The following TLE4 variants were observed in gnomAD, a reference collection of about 807,000 sequenced individuals.
TLE4 encodes the protein TLE family member 4, transcriptional corepressor.
In TLE4, 8 loss-of-function variants were observed where a neutral mutation model predicts 92.8. The observed-to-expected ratio is 0.09, with a 90% CI of 0.05 to 0.16. TLE4 has a LOEUF of 0.16. Among genes scored for constraint, TLE4 ranks in the 10% least tolerant of loss-of-function variants. TLE4 has a pLI of 1.00. For missense variants in TLE4, 675 were observed against 997.6 expected (o/e 0.68, Z 4.36); for synonymous variants, 371 against 374.1 (o/e 0.99, Z 0.10).
chr9:79,611,949 A>T (rs2133052453), intron 4 of TLE4, among the ~76,000 whole-genome samples: 1 of 151,678 alleles, frequency 6.6e-6, no homozygotes, highest in Non-Finnish European at 1.5e-5. Context: ...AAAAAAAAAA[A>T]AAAAAAAAAA....
In TLE4 at chr9:79,649,694, T is replaced by C. The variant is rs138432815; in HGVS notation, c.391-2899T>C. 6.5e-4 allele frequency: 420 copies of C among 648,652 alleles called. No individual in the cohort carries two copies. The African/African-American group carries it at 7.7e-3, about 12-fold the overall frequency. The allele number at this position is 648,652 out of a possible 1,614,324, so 40.2% of individuals were successfully genotyped here. On this transcript the variant is annotated intron_variant, in intron 6 of 19. Coordinates refer to ENST00000376552, the MANE Select transcript of TLE4 (RefSeq NM_007005.6). The stretch of plus-strand genomic sequence containing the variant: ...AGCTCATTTTAGAACTGTTCTGAGA[T>C]AGAATAAAACCAAACAAGGACCTCA...
At chr9:79,573,951 C>A in intron 2 of TLE4, 165 bp downstream of exon 2, 2 of 422,476 alleles carry the variant, frequency 4.7e-6, no homozygotes, top group South Asian at 1.4e-4. Context: ...CTTCCTTAGG[C>A]AGGTGTAAAT....
chr9:79,671,178 G>T (rs1325813892), intron 8 of TLE4: 1 of 446,854 alleles, frequency 2.2e-6, no homozygotes, highest in Non-Finnish European at 4.6e-6. Flanking sequence ...TTCAACCTTG[G>T]CTGAGAATGT....
At chr9:79,694,721 C>G (rs1204703616) in intron 8 of TLE4, among the ~76,000 whole-genome samples, 4 of 151,784 alleles carry the variant, frequency 2.6e-5, no homozygotes, top group African/African-American at 9.7e-5. Flanking sequence ...TTATATCTGT[C>G]TGCCTTATAT....
chr9:79,661,287 T>C (rs1227332166), intron 8 of TLE4, among the ~76,000 whole-genome samples: 1 of 152,214 alleles, frequency 6.6e-6, no homozygotes, highest in African/African-American at 2.4e-5. Context: ...AAATCACTCA[T>C]GGGGTAGTTT....
intron 6 of TLE4, among the ~76,000 whole-genome samples, chr9:79,631,616 ATGTGTGTGTGTGTGTGTGTGTGTG>A (rs57129541): frequency 2.5e-5 from 3 of 118,158 alleles, no homozygotes; most frequent in Non-Finnish European, 3.5e-5. Context: ...TGAACCTTAA[ATGTGTGTGTGTGTGTGTGTGTGTG>A]TGTGTGTGTG....
intron 2 of TLE4, 137 bp downstream of exon 2, chr9:79,573,923 A>C (rs542502397): frequency 2.1e-6 from 1 of 482,012 alleles, no homozygotes; most frequent in Non-Finnish European, 3.4e-6. Context: ...GTGGGCAGAA[A>C]GGGCAAATCA....
chr9:79,684,864 C>T (rs545996469), intron 8 of TLE4, among the ~76,000 whole-genome samples: 1 of 152,304 alleles, frequency 6.6e-6, no homozygotes, highest in African/African-American at 2.4e-5. Context: ...TGACAGAGCC[C>T]TACCAAATGT....
chr9:79,624,788 C>G (rs1358054185), intron 5 of TLE4, among the ~76,000 whole-genome samples: 1 of 152,162 alleles, frequency 6.6e-6, no homozygotes, highest in Non-Finnish European at 1.5e-5. Flanking sequence ...TAGAATGGCA[C>G]TAAGTAGATG....
intron 6 of TLE4, chr9:79,649,735 A>AT: frequency 1.7e-6 from 2 of 1,176,238 alleles, no homozygotes; most frequent in Middle Eastern, 2.4e-4. Context: ...CCTTACTGTG[A>AT]ATGTCATGTA....
intron 8 of TLE4, among the ~76,000 whole-genome samples, chr9:79,655,876 A>G (rs1433147875): frequency 2.0e-5 from 3 of 152,176 alleles, no homozygotes; most frequent in Non-Finnish European, 4.4e-5. Flanking sequence ...CTGTGAAAAT[A>G]TTTATACTTC....
At position 79,676,013 on chromosome 9, in the gene TLE4, C is replaced by T. The variant is rs190957101; in HGVS notation, c.609+21938C>T. On this transcript the variant is annotated intron_variant, in intron 8 of 19. Coordinates refer to ENST00000376552, the MANE Select transcript of TLE4 (RefSeq NM_007005.6). ...ATTTCAGATTTTCAGGTGTGGGCTG[C>T]TCAACCTGTACTGGCCACTTTGAAC... Among the ~76,000 whole-genome samples the T allele has an allele frequency of 3.3e-5, 5 of 152,254 alleles. No individual in the cohort carries two copies. The South Asian group carries it at 6.2e-4, about 19-fold the overall frequency.
At chr9:79,711,331 T>TTAC (rs1554798972) in intron 14 of TLE4, among the ~76,000 whole-genome samples, 5 of 151,758 alleles carry the variant, frequency 3.3e-5, no homozygotes, top group African/African-American at 9.7e-5. Context: ...CAAATAGTTG[T>TTAC]TGACTAACAA....
intron 8 of TLE4, among the ~76,000 whole-genome samples, chr9:79,699,527 G>A (rs1565013143): frequency 6.6e-6 from 1 of 152,128 alleles, no homozygotes; most frequent in East Asian, 1.9e-4. Context: ...TATTTTAGTG[G>A]TACCTTCTGA....
intron 15 of TLE4, 25 bp from the exon 16 acceptor site, chr9:79,720,021 C>T (rs778038494): frequency 6.3e-7 from 1 of 1,582,924 alleles, no homozygotes; most frequent in Non-Finnish European, 8.6e-7. Context: ...CATGAGTAAT[C>T]TCTTGATGGT....
chr9:79,600,167 A>G (rs1346392156), intron 4 of TLE4, among the ~76,000 whole-genome samples: 2 of 152,250 alleles, frequency 1.3e-5, no homozygotes, highest in African/African-American at 4.8e-5. Context: ...TTTAATTTAA[A>G]AGCAACCTGA....
chr9:79,606,399 T>A, intron 4 of TLE4, among the ~76,000 whole-genome samples: 1 of 150,258 alleles, frequency 6.7e-6, no homozygotes, highest in East Asian at 2.0e-4. Context: ...TAAATACTTT[T>A]TAAGTTCTAG....
At chr9:79,662,072 C>G (rs147830408) in intron 8 of TLE4, among the ~76,000 whole-genome samples, 1 of 152,068 alleles carries the variant, frequency 6.6e-6, no homozygotes, top group African/African-American at 2.4e-5. Context: ...ACTAAATGTT[C>G]GTGAAAAGCT....
intron 6 of TLE4, among the ~76,000 whole-genome samples, chr9:79,646,709 A>G (rs2058156107): frequency 6.6e-6 from 1 of 152,188 alleles, no homozygotes; most frequent in African/African-American, 2.4e-5. Flanking sequence ...AAGGGGTCTC[A>G]TTTATTAATG....
Sources: gnomAD v4.1 joint callset for allele counts (sites outside exome capture counted in the v4.1 genomes callset) on GRCh38, gnomAD v4.1.1 for gene constraint, MANE v1.5 for transcripts, NCBI Gene and HGNC (gene_info 2026-07-23, HGNC 2026-07-21) for gene names.